DNAJB12: variants seen among roughly 807,000 people sequenced by gnomAD.
DNAJB12 encodes the protein DnaJ heat shock protein family (Hsp40) member B12.
DNAJB12 carries 14 observed loss-of-function variants against 40.6 expected under a neutral mutation model. That is an observed-to-expected ratio of 0.34 (90% CI 0.23 to 0.54). The LOEUF (loss-of-function observed/expected upper bound fraction) is 0.54. Ranked by LOEUF, DNAJB12 falls within the 20% of genes least tolerant of loss-of-function variation. The pLI, the probability that DNAJB12 is intolerant of heterozygous loss-of-function variation, is 0.92. For missense variants in DNAJB12, 444 were observed against 501.7 expected (o/e 0.89, Z 1.10); for synonymous variants, 181 against 199.5 (o/e 0.91, Z 0.78).
In DNAJB12 at chr10:72,345,023, G is replaced by C; in HGVS notation, c.238C>G (p.Pro80Ala). The C allele has an allele frequency of 6.2e-7, 1 of 1,614,222 alleles. No homozygotes were observed. The highest frequency in any genetic ancestry group is 2.2e-5 in the East Asian group (1 of 44,888). The change falls in exon 2 of 9, where the codon CCC (proline) becomes GCC (alanine). Residue 80 changes from proline to alanine, a missense_variant. Coordinates refer to ENST00000444643, the MANE Select transcript of DNAJB12 (RefSeq NM_017626.7). ...THRKAGGTDA[P>A]SANGEAGGES... The stretch of plus-strand genomic sequence containing the variant: ...CCTCCAGCTTCACCGTTGGCCGAGG[G>C]GGCATCGGTCCCACCTGCTTTCCTG...
chr10:72,347,687 G>A (rs1335910696), intron 1 of DNAJB12, among the ~76,000 whole-genome samples: 14 of 152,274 alleles, frequency 9.2e-5, no homozygotes, highest in Middle Eastern at 6.8e-3. Flanking sequence ...AGGCCGAGGC[G>A]GGCGAATCAC....
Position 72,354,748 on chromosome 10 carries a change from C to G in DNAJB12, c.133+17G>C. On this transcript the variant is annotated intron_variant, in intron 1 of 8. Coordinates refer to ENST00000444643, the MANE Select transcript of DNAJB12 (RefSeq NM_017626.7). ...TCAGTTCTAATGTCCCCAGTCTCTC[C>G]GGCACCTCACACTCACCGCGAACTC... 3.1e-6 allele frequency: 5 copies of G among 1,602,866 alleles called. No individual in the cohort carries two copies. The highest frequency in any genetic ancestry group is 4.3e-6 in the Non-Finnish European group (5 of 1,173,626).
intron 1 of DNAJB12, among the ~76,000 whole-genome samples, 177 bp downstream of exon 1, chr10:72,354,588 C>G (rs1051205431): frequency 6.6e-6 from 1 of 152,224 alleles, no homozygotes; most frequent in Non-Finnish European, 1.5e-5. Context: ...CGGCTCGCAT[C>G]CCGCAGAGGA....
chr10:72,334,997 A>G (rs573555023), intron 8 of DNAJB12: 29 of 1,085,098 alleles, frequency 2.7e-5, no homozygotes, highest in East Asian at 2.0e-4. Context: ...GGAGCCTGCT[A>G]CCAGCAACTC....
chr10:72,344,368 G>A (rs574699398), intron 2 of DNAJB12, among the ~76,000 whole-genome samples: 15 of 152,338 alleles, frequency 9.8e-5, no homozygotes, highest in Non-Finnish European at 1.8e-4. Context: ...GCATGACCCT[G>A]GGGGATTCCC....
chr10:72,349,188 C>T (rs954887578), intron 1 of DNAJB12, among the ~76,000 whole-genome samples: 4 of 152,124 alleles, frequency 2.6e-5, no homozygotes, highest in African/African-American at 7.2e-5. Flanking sequence ...ACCCTGGTTT[C>T]GTCACGGTGG....
At position 72,336,682 on chromosome 10, in the gene DNAJB12, A is replaced by C. The variant is rs1162448125; in HGVS notation, c.848T>G (p.Ile283Ser). 6.2e-7 allele frequency: 1 copy of C among 1,613,838 alleles called. No homozygotes were observed. Residue 283 changes from isoleucine (I) to serine (S), a missense_variant, in exon 7 of 9, where the codon ATC (isoleucine) becomes AGC (serine). By Grantham distance (142) the Ile-to-Ser change is moderately radical. Coordinates refer to ENST00000444643, the MANE Select transcript of DNAJB12 (RefSeq NM_017626.7). ...CAGGTGGTCAGTGACTCGCCTGTGG[A>C]TGTGGCCCACGGACCTGGCCAGAAA... ...SLSPRPSVGH[I>S]HRRVTDHLGV... is the part of the protein sequence containing the mutation.
Position 72,334,755 on chromosome 10 carries a change from G to A in DNAJB12, c.*31-138C>T, listed in dbSNP as rs1002490980. On this transcript the variant is annotated intron_variant, in intron 8 of 8. Coordinates refer to ENST00000444643, the MANE Select transcript of DNAJB12 (RefSeq NM_017626.7). ...CTCGACCCCCACCAACCCCACTTGC[G>A]GCCTGCCCTCCTGCGGCAGCACAGA... The A allele has an allele frequency of 3.9e-5, 55 of 1,401,236 alleles. No individual in the cohort carries two copies. The Middle Eastern group carries it at 1.3e-3, about 33-fold the overall frequency. The allele number at this position is 1,401,236 out of a possible 1,614,324, so 86.8% of individuals were successfully genotyped here.
At chr10:72,336,055 C>T in intron 7 of DNAJB12, 124 bp from the exon 8 acceptor site, 7 of 1,239,480 alleles carry the variant, frequency 5.6e-6, no homozygotes, top group Non-Finnish European at 8.0e-6. Flanking sequence ...CAGGGCTGGC[C>T]TCCCATTAGG....
intron 5 of DNAJB12, among the ~76,000 whole-genome samples, chr10:72,338,531 G>A (rs1861540932): frequency 1.3e-5 from 2 of 150,800 alleles, no homozygotes; most frequent in Non-Finnish European, 2.9e-5. Flanking sequence ...GAAGTGAGGT[G>A]TCTGCATTTA....
chr10:72,336,554 G>T lies in DNAJB12; in HGVS notation c.976C>A (p.Arg326=). The change falls in exon 7 of 9, where the codon CGG becomes AGG. Residue 326 remains arginine (R), a synonymous_variant. Coordinates refer to ENST00000444643, the MANE Select transcript of DNAJB12 (RefSeq NM_017626.7). ...TGCTTCTCCTTCCAGCAGTTGTTCC[G>T]GAGGTTGGCGATATAATCATCTTCC... ...NVEDDYIANL[R]NNCWKEKQQK... is the part of the protein sequence containing the mutation. 6.2e-7 allele frequency: 1 copy of T among 1,614,056 alleles called. No individual in the cohort carries two copies. Among genetic ancestry groups the T allele is most frequent in the Non-Finnish European group, 8.5e-7 (1 of 1,179,980 alleles).
In DNAJB12 at chr10:72,334,243, G is replaced by C; in HGVS notation, c.*405C>G. 2.7e-6 allele frequency: 1 copy of C among 376,834 alleles called. No individual in the cohort carries two copies. Among genetic ancestry groups the C allele is most frequent in the Non-Finnish European group, 4.8e-6 (1 of 207,176 alleles). 23.3% of individuals were successfully genotyped at this position (376,834 alleles called of 1,614,324 possible). On this transcript the variant is annotated 3_prime_UTR_variant, in exon 9 of 9. Transcript: ENST00000444643. ...CTCCTATCTTTGGCCAGGGCCTCTG[G>C]CTTCTCCTGAGAGGTGGCTGGTGGT...
Position 72,338,272 on chromosome 10 carries a change from T to G in DNAJB12, c.763A>C (p.Ile255Leu), listed in dbSNP as rs779563267. Residue 255 changes from isoleucine (I) to leucine (L), a missense_variant, in exon 6 of 9, where the codon ATC becomes CTC. Transcript: ENST00000444643. ...CTGAGAGCTGACACGAGAATCAGGATGAGGATAGGCATCAGCTGCACAAAC... is the reference window on the plus strand; with the variant it reads ...CTGAGAGCTGACACGAGAATCAGGAGGAGGATAGGCATCAGCTGCACAAAC... The part of the protein sequence containing the change: ...GVFVQLMPIL[I>L]LILVSALSQL... 1.2e-6 allele frequency: 2 copies of G among 1,613,944 alleles called. No individual in the cohort carries two copies. Among genetic ancestry groups the G allele is most frequent in the Non-Finnish European group, 1.7e-6 (2 of 1,179,948 alleles).
At chr10:72,354,634 G>T in intron 1 of DNAJB12, 131 bp downstream of exon 1, 2 of 823,436 alleles carry the variant, frequency 2.4e-6, no homozygotes, top group East Asian at 2.8e-5. Flanking sequence ...AGCAGCCACC[G>T]CGCGCCTCAG....
chr10:72,341,638 T>C (rs1410955690), intron 3 of DNAJB12, among the ~76,000 whole-genome samples: 1 of 152,040 alleles, frequency 6.6e-6, no homozygotes. Context: ...ACTCAGCTAA[T>C]TTTTTGTATT....
In DNAJB12 at chr10:72,345,081, T is replaced by G. The variant is rs111565154; in HGVS notation, c.180A>C (p.Gln60His). The change falls in exon 2 of 9, where the codon CAA (glutamine) becomes CAC (histidine). Residue 60 changes from glutamine (Q) to histidine (H), a missense_variant. Coordinates refer to ENST00000444643, the MANE Select transcript of DNAJB12 (RefSeq NM_017626.7). ...CATGGGTTGTGTCTGTGGGTGGGGG[T>G]TGGTCACCGGCAGTCTGTGGTTTCT... ...LNQKPQTAGD[Q>H]PPPTDTTHAT... 21 of 1,613,854 alleles carry G rather than the reference T, an allele frequency of 1.3e-5. No homozygotes were observed. In the Admixed American group the frequency reaches 3.5e-4, roughly 27 times the overall value.
At position 72,345,025 on chromosome 10, in the gene DNAJB12, G is replaced by T; in HGVS notation, c.236C>A (p.Ala79Asp). 6.2e-7 allele frequency: 1 copy of T among 1,614,228 alleles called. No individual in the cohort carries two copies. Among genetic ancestry groups the T allele is most frequent in the Non-Finnish European group, 8.5e-7 (1 of 1,180,038 alleles). The change falls in exon 2 of 9, where the codon GCC becomes GAC. Residue 79 changes from alanine (A) to aspartate (D), a missense_variant. Physicochemically the swap from Ala to Asp is moderately radical, Grantham distance 126 (BLOSUM62 -2). Coordinates refer to ENST00000444643, the MANE Select transcript of DNAJB12 (RefSeq NM_017626.7). ...ATHRKAGGTD[A>D]PSANGEAGGE... ...TCCAGCTTCACCGTTGGCCGAGGGG[G>T]CATCGGTCCCACCTGCTTTCCTGTG...
chr10:72,334,961 C>T, intron 8 of DNAJB12: 4 of 1,148,078 alleles, frequency 3.5e-6, no homozygotes, highest in Non-Finnish European at 4.3e-6. Context: ...AGCCCAGCGC[C>T]CCCATTCGCC....
At chr10:72,345,785 G>T (rs1230291039) in intron 1 of DNAJB12, among the ~76,000 whole-genome samples, 7 of 150,176 alleles carry the variant, frequency 4.7e-5, no homozygotes, top group Non-Finnish European at 7.4e-5. Context: ...CCAGCTACTC[G>T]AGAGACTTGA....
Sources: gnomAD v4.1 joint callset for allele counts (sites outside exome capture counted in the v4.1 genomes callset) on GRCh38, gnomAD v4.1.1 for gene constraint, MANE v1.5 for transcripts, NCBI Gene and HGNC (gene_info 2026-07-23, HGNC 2026-07-21) for gene names.